FAM171B: variants seen among roughly 807,000 people sequenced by gnomAD.
FAM171B encodes protein FAM171B.
Under a neutral mutation model 75.6 loss-of-function variants are expected in FAM171B, and 19 were observed. The observed-to-expected ratio is 0.25, with a 90% CI of 0.18 to 0.37. The LOEUF is 0.37. Among genes scored for constraint, FAM171B ranks in the 10% least tolerant of loss-of-function variants. The pLI is 1.00. For synonymous variants in FAM171B, 367 were observed against 361.7 expected (o/e 1.01, Z -0.17); for missense variants, 848 against 982.4 (o/e 0.86, Z 1.83).
At chr2:186,728,850 C>T (rs1449968085) in intron 1 of FAM171B, among the ~76,000 whole-genome samples, 2 of 152,108 alleles carry the variant, frequency 1.3e-5, no homozygotes, top group Non-Finnish European at 2.9e-5. Context: ...AGGATGATGT[C>T]AGAGTCTCTT....
chr2:186,742,848 T>C (rs748625553), intron 2 of FAM171B, among the ~76,000 whole-genome samples: 35 of 152,208 alleles, frequency 2.3e-4, no homozygotes, highest in Non-Finnish European at 4.3e-4. Context: ...ATAATATCTT[T>C]CAGGTAATCT....
At chr2:186,759,261 G>C (rs543684359) in intron 6 of FAM171B, among the ~76,000 whole-genome samples, 2 of 152,050 alleles carry the variant, frequency 1.3e-5, no homozygotes, top group Non-Finnish European at 2.9e-5. Flanking sequence ...AATGAACATG[G>C]GCATGCAGAT....
intron 4 of FAM171B, 102 bp downstream of exon 4, chr2:186,747,352 TG>T: frequency 1.6e-6 from 1 of 627,674 alleles, no homozygotes; most frequent in Non-Finnish European, 2.3e-6. Context: ...ATATAAGCTA[TG>T]GATAATACAC....
intron 1 of FAM171B, among the ~76,000 whole-genome samples, chr2:186,713,951 A>C (rs1367769705): frequency 1.3e-5 from 2 of 152,214 alleles, no homozygotes; most frequent in Non-Finnish European, 2.9e-5. Context: ...ATAAGCCAAC[A>C]AATACTGGCT....
At chr2:186,750,251 G>A (rs766512952) in intron 4 of FAM171B, among the ~76,000 whole-genome samples, 2 of 152,036 alleles carry the variant, frequency 1.3e-5, no homozygotes, top group East Asian at 1.9e-4. Context: ...ACTTTGTTTG[G>A]CATTGCTAAT....
chr2:186,704,064 T>C (rs1376587731), intron 1 of FAM171B, among the ~76,000 whole-genome samples: 1 of 152,192 alleles, frequency 6.6e-6, no homozygotes. Flanking sequence ...AATGAACTGG[T>C]ACTTTCAAAG....
intron 1 of FAM171B, among the ~76,000 whole-genome samples, chr2:186,711,276 T>G (rs1689805922): frequency 6.6e-6 from 1 of 152,224 alleles, no homozygotes; most frequent in Non-Finnish European, 1.5e-5. Flanking sequence ...TTCCATTTAT[T>G]TTGTTGTTTG....
intron 1 of FAM171B, 88 bp downstream of exon 1, chr2:186,694,499 TTCCTATCC>T (rs1421771868): frequency 9.6e-6 from 14 of 1,455,790 alleles, no homozygotes; most frequent in Admixed American, 2.3e-5. Flanking sequence ...TCCCTATCCA[TTCCTATCC>T]TCGTTCGTTC....
At chr2:186,748,901 G>T (rs1690411029) in intron 4 of FAM171B, among the ~76,000 whole-genome samples, 1 of 152,096 alleles carries the variant, frequency 6.6e-6, no homozygotes, top group Non-Finnish European at 1.5e-5. Flanking sequence ...CACAAATGAA[G>T]CTCATGGCGC....
At chr2:186,714,020 A>G (rs999081061) in intron 1 of FAM171B, among the ~76,000 whole-genome samples, 1 of 152,222 alleles carries the variant, frequency 6.6e-6, no homozygotes, top group South Asian at 2.1e-4. Flanking sequence ...GCGAAAAACA[A>G]GAATATTTTA....
Position 186,765,453 on chromosome 2 carries a change from GTATAGGGATTATGCCCTTTCAGTTC to G in FAM171B, c.*2650_*2674del, listed in dbSNP as rs1440594240. 8 of 152,092 alleles carry G rather than the reference GTATAGGGATTATGCCCTTTCAGTTC, an allele frequency of 5.3e-5. No individual in the cohort carries two copies. The highest frequency in any genetic ancestry group is 3.4e-3 in the Middle Eastern group (1 of 294). 9.4% of individuals were successfully genotyped at this position (152,092 alleles called of 1,614,324 possible). On this transcript the variant is annotated 3_prime_UTR_variant, in exon 8 of 8. Coordinates refer to ENST00000304698, the MANE Select transcript of FAM171B (RefSeq NM_177454.4). ...TCAATTTTTATGACTTTATGCAGTTGTATAGGGATTATGCCCTTTCAGTTCTATAGGGATTATGCCCTTTTATAAT... is the reference window on the plus strand; with the variant it reads ...TCAATTTTTATGACTTTATGCAGTTGTATAGGGATTATGCCCTTTTATAAT...
At chr2:186,711,511 G>T (rs1229622150) in intron 1 of FAM171B, among the ~76,000 whole-genome samples, 1 of 152,156 alleles carries the variant, frequency 6.6e-6, no homozygotes, top group African/African-American at 2.4e-5. Context: ...AACCAGCCAG[G>T]CTATTAATGG....
chr2:186,700,268 G>A lies in FAM171B; in HGVS notation c.238+5857G>A, dbSNP rs569117041. 2.5e-3 allele frequency among the ~76,000 whole-genome samples: 379 copies of A among 151,520 alleles called. 2 individuals carry two copies. The highest frequency in any genetic ancestry group is 8.9e-3 in the African/African-American group (366 of 41,348). ...TTTTTTCTTAATAGGTCCTTTTAGA[G>A]GTAAAATGTACATATGTGAAATGTA... On this transcript the variant is annotated intron_variant, in intron 1 of 7. Transcript: ENST00000304698.
intron 1 of FAM171B, among the ~76,000 whole-genome samples, chr2:186,697,486 T>C (rs1333920189): frequency 6.6e-6 from 1 of 152,164 alleles, no homozygotes; most frequent in Non-Finnish European, 1.5e-5. Context: ...AACTCTGGGC[T>C]CAAGCAATCC....
chr2:186,737,242 G>T (rs1487770680), intron 1 of FAM171B, among the ~76,000 whole-genome samples: 1 of 152,224 alleles, frequency 6.6e-6, no homozygotes, highest in Non-Finnish European at 1.5e-5. Flanking sequence ...TTTCATGGTG[G>T]TACAAGCTCT....
intron 1 of FAM171B, among the ~76,000 whole-genome samples, chr2:186,735,062 C>A (rs1404495383): frequency 6.6e-6 from 1 of 152,184 alleles, no homozygotes; most frequent in East Asian, 1.9e-4. Context: ...CAGCTGTGCC[C>A]AGGAGTGTGG....
At chr2:186,734,040 A>G (rs1178205756) in intron 1 of FAM171B, among the ~76,000 whole-genome samples, 2 of 152,178 alleles carry the variant, frequency 1.3e-5, no homozygotes, top group Non-Finnish European at 2.9e-5. Context: ...CTGAGCTTTT[A>G]TCCCACATCC....
At chr2:186,760,362 C>T (rs1486369583) in intron 6 of FAM171B, among the ~76,000 whole-genome samples, 1 of 152,020 alleles carries the variant, frequency 6.6e-6, no homozygotes, top group African/African-American at 2.4e-5. Flanking sequence ...TTTCTTTAGA[C>T]CCCTGCTTAA....
chr2:186,705,840 C>T (rs1277365677), intron 1 of FAM171B, among the ~76,000 whole-genome samples: 1 of 152,166 alleles, frequency 6.6e-6, no homozygotes, highest in Non-Finnish European at 1.5e-5. Flanking sequence ...TTAGTTTCTC[C>T]ATTCTGTTGG....
Sources: gnomAD v4.1 joint callset for allele counts (sites outside exome capture counted in the v4.1 genomes callset) on GRCh38, gnomAD v4.1.1 for gene constraint, MANE v1.5 for transcripts, NCBI Gene and HGNC (gene_info 2026-07-23, HGNC 2026-07-21) for gene names.